IRAG2: variants seen among roughly 807,000 people sequenced by gnomAD.
IRAG2 encodes lymphoid restricted membrane protein.
Under a neutral mutation model 69.9 loss-of-function variants are expected in IRAG2, and 45 were observed. The ratio of observed to expected loss-of-function variants is 0.64; its 90% CI spans 0.51 to 0.83. The LOEUF is 0.83. IRAG2 is among the 40% of genes least tolerant of loss of function. The probability of loss-of-function intolerance (pLI) is 0.00; values close to 1 mark genes in which losing one functional copy is unlikely to be tolerated. For missense variants in IRAG2, 520 were observed against 587.0 expected (o/e 0.89, Z 1.18); for synonymous variants, 193 against 202.4 (o/e 0.95, Z 0.40).
intron 9 of IRAG2, among the ~76,000 whole-genome samples, chr12:25,082,945 T>A (rs959702912): frequency 1.3e-5 from 2 of 152,182 alleles, no homozygotes; most frequent in Non-Finnish European, 2.9e-5. Context: ...TAAAAATGCA[T>A]CTTTTCCTCT....
At chr12:25,004,761 A>G in exon 1 of IRAG2, 1 of 1,232,160 alleles carries the variant, frequency 8.1e-7, no homozygotes, top group Admixed American at 4.2e-5. Flanking sequence ...AGATCAGAAA[A>G]GCAGAGTTTT....
intron 20 of IRAG2, 149 bp from the exon 21 acceptor site, chr12:25,106,794 T>G (rs1261078463): frequency 5.7e-6 from 2 of 352,344 alleles, no homozygotes; most frequent in Non-Finnish European, 1.1e-5. Context: ...GGTGATTTGA[T>G]TTTTAGAGTT....
chr12:25,014,973 T>G (rs1944509206), intron 3 of IRAG2, among the ~76,000 whole-genome samples: 1 of 151,510 alleles, frequency 6.6e-6, no homozygotes, highest in Admixed American at 6.6e-5. Flanking sequence ...ACAGACTATT[T>G]TCTATCACTC....
upstream of IRAG2, among the ~76,000 whole-genome samples, chr12:25,048,513 T>C (rs1944815796): frequency 6.6e-6 from 1 of 152,048 alleles, no homozygotes; most frequent in Admixed American, 6.5e-5. Context: ...GCCAGGCTGG[T>C]CTCAAACTCC....
chr12:25,043,282 C>T (rs1414273819), intron 16 of IRAG2, among the ~76,000 whole-genome samples: 1 of 152,182 alleles, frequency 6.6e-6, no homozygotes, highest in Non-Finnish European at 1.5e-5. Flanking sequence ...CAGCTTCTCC[C>T]TAGCATGGTG....
upstream of IRAG2, among the ~76,000 whole-genome samples, chr12:25,003,034 T>G (rs1242124354): frequency 6.6e-6 from 1 of 152,204 alleles, no homozygotes; most frequent in Non-Finnish European, 1.5e-5. Flanking sequence ...GGTAAAGGAT[T>G]CTGTTGGTGG....
chr12:25,067,161 A>G (rs1244347937), intron 5 of IRAG2, among the ~76,000 whole-genome samples: 4 of 152,128 alleles, frequency 2.6e-5, no homozygotes, highest in African/African-American at 9.7e-5. Context: ...TTCAAAGTTA[A>G]CACATCTTTG....
chr12:25,058,862 G>T (rs927788914), intron 1 of IRAG2, among the ~76,000 whole-genome samples: 20 of 152,270 alleles, frequency 1.3e-4, no homozygotes, highest in East Asian at 1.9e-4. Context: ...GGCATTACAG[G>T]TCCAACTCCA....
intron 3 of IRAG2, chr12:25,015,165 T>TG: frequency 1.7e-6 from 2 of 1,209,230 alleles, no homozygotes; most frequent in Non-Finnish European, 2.1e-6. Context: ...GTTTTTTTTT[T>TG]TTTTTTTTGG....
At chr12:25,035,284 A>C (rs768060156) in intron 13 of IRAG2, among the ~76,000 whole-genome samples, 5 of 152,198 alleles carry the variant, frequency 3.3e-5, no homozygotes, top group Non-Finnish European at 5.9e-5. Context: ...AATGGAAGGG[A>C]GACAAAAGAA....
At chr12:25,096,775 C>G (rs1948446054) in intron 14 of IRAG2, 135 bp from the exon 15 acceptor site, 1 of 667,808 alleles carries the variant, frequency 1.5e-6, no homozygotes, top group South Asian at 2.2e-5. Context: ...CATTATTGAT[C>G]TTTGCTGCTT....
At chr12:25,103,327 T>G (rs1435127932) in intron 17 of IRAG2, 2 of 154,196 alleles carry the variant, frequency 1.3e-5, no homozygotes, top group Non-Finnish European at 2.9e-5. Context: ...TACATGTAGG[T>G]GCATATTTAT....
chr12:25,046,248 A>G (rs1450942884), intron 16 of IRAG2, among the ~76,000 whole-genome samples: 1 of 152,160 alleles, frequency 6.6e-6, no homozygotes, highest in Admixed American at 6.5e-5. Flanking sequence ...TGAAAAACTC[A>G]GTGAACATCA....
intron 1 of IRAG2, among the ~76,000 whole-genome samples, chr12:25,058,531 AT>A (rs1339517976): frequency 1.3e-5 from 2 of 152,314 alleles, no homozygotes; most frequent in Admixed American, 6.5e-5. Flanking sequence ...TTAATATACA[AT>A]TTTACAGAAC....
intron 8 of IRAG2, among the ~76,000 whole-genome samples, chr12:25,026,611 C>A (rs944825022): frequency 6.6e-6 from 1 of 152,066 alleles, no homozygotes; most frequent in Admixed American, 6.6e-5. Flanking sequence ...GGAGGGGCTG[C>A]AGTGACTGGT....
At chr12:25,085,394 A>G (rs934987264) in intron 10 of IRAG2, among the ~76,000 whole-genome samples, 6 of 152,170 alleles carry the variant, frequency 3.9e-5, no homozygotes, top group Non-Finnish European at 7.4e-5. Context: ...CCCAGAGGCC[A>G]TACTCTTCTC....
At chr12:25,101,083 T>C in intron 15 of IRAG2, 95 bp from the exon 16 acceptor site, 2 of 1,066,952 alleles carry the variant, frequency 1.9e-6, no homozygotes, top group East Asian at 2.7e-5. Context: ...TTTAGTGGGA[T>C]TTAGGAATGG....
intron 5 of IRAG2, among the ~76,000 whole-genome samples, chr12:25,016,053 G>A (rs1474186823): frequency 6.6e-6 from 1 of 152,042 alleles, no homozygotes; most frequent in African/African-American, 2.4e-5. Context: ...AAAATTAGCC[G>A]GGCATGGTGG....
chr12:25,088,280 C>T, intron 11 of IRAG2, 123 bp downstream of exon 11: 1 of 743,328 alleles, frequency 1.3e-6, no homozygotes, highest in Non-Finnish European at 2.3e-6. Flanking sequence ...TAAGGTCAGT[C>T]AATAGGACCG....
Sources: allele counts gnomAD v4.1 joint callset (sites outside exome capture counted in the v4.1 genomes callset), GRCh38; gene constraint gnomAD v4.1.1; transcripts MANE v1.5; gene names NCBI Gene and HGNC (gene_info 2026-07-23, HGNC 2026-07-21).